The following CLIC4 variants were observed in gnomAD, a reference collection of about 807,000 sequenced individuals.
The protein encoded by CLIC4 is CLIC family member 4.
CLIC4 carries 13 observed loss-of-function variants against 24.6 expected under a neutral mutation model. The observed-to-expected ratio is 0.53, with a 90% CI of 0.34 to 0.84. CLIC4 has a LOEUF of 0.84. CLIC4 is among the 40% of genes least tolerant of loss of function. CLIC4 has a pLI of 0.01. For missense variants in CLIC4, 227 were observed against 301.7 expected, an observed-to-expected ratio of 0.75 and a Z score of 1.83; for synonymous variants, 104 against 111.3, an observed-to-expected ratio of 0.93 and a Z score of 0.41.
At chr1:24,811,033 C>T (rs774061890) in intron 2 of CLIC4, among the ~76,000 whole-genome samples, 8 of 150,626 alleles carry the variant, frequency 5.3e-5, no homozygotes, top group Admixed American at 2.0e-4. Context: ...GAGCCGAGAT[C>T]GCACCACTGC....
intron 1 of CLIC4, among the ~76,000 whole-genome samples, chr1:24,779,000 AT>A (rs1456756417): frequency 6.6e-6 from 1 of 152,240 alleles, no homozygotes; most frequent in Non-Finnish European, 1.5e-5. Flanking sequence ...TGCATTTAGC[AT>A]TTATTCAAAA....
At chr1:24,832,068 T>C (rs1048901440) in intron 4 of CLIC4, among the ~76,000 whole-genome samples, 2 of 152,256 alleles carry the variant, frequency 1.3e-5, no homozygotes, top group African/African-American at 4.8e-5. Context: ...CCTGGAATTC[T>C]TACTGACCTA....
intron 1 of CLIC4, among the ~76,000 whole-genome samples, chr1:24,775,224 C>CTTTTTTTT: frequency 2.2e-3 from 199 of 90,572 alleles, no homozygotes; most frequent in East Asian, 4.5e-3. Flanking sequence ...TTCTTTCTTT[C>CTTTTTTTT]TTTTTTTTTT....
At chr1:24,826,949 A>G (rs563875078) in intron 3 of CLIC4, 61 bp from the exon 4 acceptor site, 2 of 1,157,832 alleles carry the variant, frequency 1.7e-6, no homozygotes, top group Admixed American at 2.2e-5. Flanking sequence ...TGGTGGTTTG[A>G]GAGAACTTAT....
chr1:24,799,372 C>T lies in CLIC4; in HGVS notation c.182+1521C>T, dbSNP rs568323919. On this transcript the variant is annotated intron_variant, in intron 2 of 5. Coordinates refer to ENST00000374379, the MANE Select transcript of CLIC4 (RefSeq NM_013943.3). ...CTGGGAGGTGAGGAGCGTCTCTGTC[C>T]GGCCGCCCCGTCTGAGAAGTGAGGA... 3.3e-5 allele frequency among the ~76,000 whole-genome samples: 5 copies of T among 151,862 alleles called. No individual in the cohort carries two copies. The South Asian group carries it at 8.3e-4, about 25-fold the overall frequency.
intron 3 of CLIC4, among the ~76,000 whole-genome samples, chr1:24,822,128 A>G (rs1639740657): frequency 6.6e-6 from 1 of 152,140 alleles, no homozygotes; most frequent in African/African-American, 2.4e-5. Flanking sequence ...TCTGTGTTTC[A>G]TCTGTTCTCT....
At chr1:24,835,505 G>A (rs552878883) in intron 4 of CLIC4, among the ~76,000 whole-genome samples, 32 of 152,214 alleles carry the variant, frequency 2.1e-4, no homozygotes, top group Non-Finnish European at 3.7e-4. Context: ...GGAGGTTGCA[G>A]CGAGCTGAGA....
chr1:24,808,095 C>T (rs1459668561), intron 2 of CLIC4, among the ~76,000 whole-genome samples: 2 of 152,070 alleles, frequency 1.3e-5, no homozygotes, highest in African/African-American at 2.4e-5. Flanking sequence ...TACAGGCGTG[C>T]GCCACTATGC....
Position 24,775,220 on chromosome 1 carries a change from CT to C in CLIC4, c.73-22519del, listed in dbSNP as rs1439553733. ...AGATTTTCTTTTTCTTCCTTTCTTTCTTTCTTTTTTTTTTTTTTTTTTTTGC... is the reference window on the plus strand; with the variant it reads ...AGATTTTCTTTTTCTTCCTTTCTTTCTTCTTTTTTTTTTTTTTTTTTTTGC... On this transcript the variant is annotated intron_variant, in intron 1 of 5. Coordinates refer to ENST00000374379, the MANE Select transcript of CLIC4 (RefSeq NM_013943.3). Among the ~76,000 whole-genome samples the C allele has an allele frequency of 3.9e-5, 3 of 77,034 alleles. No homozygotes were observed. In the Admixed American group the frequency reaches 4.1e-4, roughly 11 times the overall value. The allele number at this position is 77,034 out of a possible 152,430, so 50.5% of individuals were successfully genotyped here.
chr1:24,786,055 TTC>T (rs1382559900), intron 1 of CLIC4, among the ~76,000 whole-genome samples: 2 of 152,074 alleles, frequency 1.3e-5, no homozygotes, highest in Non-Finnish European at 2.9e-5. Context: ...AGTTTTAAAG[TTC>T]ATTCTTTAAC....
chr1:24,792,652 T>G (rs145056192), intron 1 of CLIC4, among the ~76,000 whole-genome samples: 1 of 152,328 alleles, frequency 6.6e-6, no homozygotes, highest in East Asian at 1.9e-4. Context: ...AAAGGGACTT[T>G]TTTCAGGTCC....
At chr1:24,797,560 A>C (rs28447519) in intron 1 of CLIC4, among the ~76,000 whole-genome samples, 182 bp from the exon 2 acceptor site, 1 of 109,100 alleles carries the variant, frequency 9.2e-6, no homozygotes, top group Non-Finnish European at 2.0e-5. Flanking sequence ...GTCTCAAAAA[A>C]AGAAAAAAAA....
intron 1 of CLIC4, among the ~76,000 whole-genome samples, chr1:24,794,447 A>C (rs1639375198): frequency 1.3e-5 from 2 of 150,494 alleles, no homozygotes; most frequent in African/African-American, 4.9e-5. Flanking sequence ...GATCAGTGAT[A>C]TTGAACTTTT....
intron 1 of CLIC4, chr1:24,771,964 T>C: frequency 2.4e-6 from 1 of 423,630 alleles, no homozygotes; most frequent in East Asian, 6.9e-5. Flanking sequence ...TAGGCTTGGC[T>C]TAAGCTTAGG....
At chr1:24,823,348 C>CT (rs1299934029) in intron 3 of CLIC4, among the ~76,000 whole-genome samples, 3 of 152,112 alleles carry the variant, frequency 2.0e-5, no homozygotes, top group Admixed American at 2.0e-4. Flanking sequence ...TGCTAAAAAA[C>CT]TTTGAGACTT....
intron 1 of CLIC4, among the ~76,000 whole-genome samples, chr1:24,753,395 A>G (rs1388252148): frequency 3.3e-5 from 5 of 152,236 alleles, no homozygotes; most frequent in Non-Finnish European, 5.9e-5. Context: ...AAAGAAAACA[A>G]TACAAGATGG....
chr1:24,810,653 G>A (rs1639603573), intron 2 of CLIC4, among the ~76,000 whole-genome samples: 2 of 151,776 alleles, frequency 1.3e-5, no homozygotes, highest in Admixed American at 6.6e-5. Flanking sequence ...TGTGCCTCTG[G>A]TCCCAGCTGC....
At chr1:24,763,830 A>G (rs780668195) in intron 1 of CLIC4, among the ~76,000 whole-genome samples, 2 of 152,132 alleles carry the variant, frequency 1.3e-5, no homozygotes, top group Admixed American at 6.5e-5. Context: ...TGCCTCTTAT[A>G]TGACTCTTCG....
At chr1:24,750,200 A>C (rs1406359773) in intron 1 of CLIC4, among the ~76,000 whole-genome samples, 1 of 152,110 alleles carries the variant, frequency 6.6e-6, no homozygotes, top group Non-Finnish European at 1.5e-5. Flanking sequence ...GCTTATGATC[A>C]TGTACCTGCA....
Sources: allele counts gnomAD v4.1 joint callset (sites outside exome capture counted in the v4.1 genomes callset), GRCh38; gene constraint gnomAD v4.1.1; transcripts MANE v1.5; gene names NCBI Gene and HGNC (gene_info 2026-07-23, HGNC 2026-07-21).